Variants in PDXDC1 observed in about 807,000 individuals in gnomAD.
PDXDC1 encodes the protein pyridoxal dependent decarboxylase domain containing 1.
PDXDC1 carries 42 observed loss-of-function variants against 100.1 expected under a neutral mutation model. That is an observed-to-expected ratio of 0.42 (90% confidence interval 0.33 to 0.54). The LOEUF is 0.54. Among genes scored for constraint, PDXDC1 ranks in the 20% least tolerant of loss-of-function variants. PDXDC1 has a pLI of 0.10. For synonymous variants in PDXDC1, 260 were observed against 371.7 expected (o/e 0.70, Z 3.46); for missense variants, 636 against 979.2 (o/e 0.65, Z 4.68).
chr16:15,017,066 G>A, intron 9 of PDXDC1, 54 bp from the exon 10 acceptor site: 1 of 1,582,642 alleles, frequency 6.3e-7, no homozygotes, highest in East Asian at 2.3e-5. Flanking sequence ...TTAAGTACAT[G>A]GTGAGTAAGC....
At chr16:15,111,579 G>T (rs1020425647) in intron 16 of PDXDC1, among the ~76,000 whole-genome samples, 1 of 147,132 alleles carries the variant, frequency 6.8e-6, no homozygotes, top group East Asian at 2.0e-4. Context: ...GCAACATGGT[G>T]AAACCCCGTC....
intron 16 of PDXDC1, among the ~76,000 whole-genome samples, chr16:15,083,069 A>T (rs1006128903): frequency 6.6e-6 from 1 of 152,222 alleles, no homozygotes; most frequent in Non-Finnish European, 1.5e-5. Flanking sequence ...AAATTCTTAG[A>T]CGTCAGTTTA....
intron 16 of PDXDC1, among the ~76,000 whole-genome samples, chr16:15,124,812 A>C (rs2047615493): frequency 6.6e-6 from 1 of 151,462 alleles, no homozygotes; most frequent in Admixed American, 6.6e-5. Context: ...GGGTTAACAA[A>C]AGTATGGAAT....
At chr16:15,078,100 A>G (rs540541909) in intron 16 of PDXDC1, among the ~76,000 whole-genome samples, 4 of 152,288 alleles carry the variant, frequency 2.6e-5, no homozygotes, top group Admixed American at 2.6e-4. Context: ...TCTATGCTTG[A>G]CCTTCTTTGT....
chr16:14,977,343 G>A (rs1457277535), intron 1 of PDXDC1, among the ~76,000 whole-genome samples: 11 of 141,940 alleles, frequency 7.7e-5, no homozygotes, highest in African/African-American at 2.3e-4. Flanking sequence ...GCAGTGAGGC[G>A]ATCTCGGATC....
In PDXDC1 at chr16:15,134,136, T is replaced by C. The variant is rs2048239729; in HGVS notation, c.1400-4743T>C. 5 of 1,288,194 alleles carry C rather than the reference T, an allele frequency of 3.9e-6. No individual in the cohort carries two copies. The East Asian group carries it at 9.8e-5, about 25-fold the overall frequency. The allele number at this position is 1,288,194 out of a possible 1,614,324, so 79.8% of individuals were successfully genotyped here. ...CTGCCCTGTCAGCCCCACTTCTGCC[T>C]GCAGGCCCCGTCCCCTCGGCCATGG... On this transcript the variant is annotated intron_variant, in intron 16 of 16. Coordinates refer to the PDXDC1 transcript ENST00000535621.
At chr16:15,092,658 T>A (rs755134010) in intron 16 of PDXDC1, 22 of 1,201,300 alleles carry the variant, frequency 1.8e-5, no homozygotes, top group East Asian at 4.7e-5. Flanking sequence ...ATGAAAATAA[T>A]AAAAATTATA....
chr16:15,111,697 G>A (rs1451406266), intron 16 of PDXDC1, among the ~76,000 whole-genome samples: 1 of 129,116 alleles, frequency 7.7e-6, no homozygotes, highest in Non-Finnish European at 1.6e-5. Context: ...GGCAGAGGTT[G>A]CAGTGAGCCA....
intron 16 of PDXDC1, among the ~76,000 whole-genome samples, chr16:15,115,244 TTTTG>T (rs1219897794): frequency 2.3e-5 from 3 of 129,604 alleles, no homozygotes; most frequent in Admixed American, 8.0e-5. Context: ...TTTTTTTTCT[TTTTG>T]TTTGTTGTTT....
upstream of PDXDC1, chr16:14,974,852 T>C (rs1966534647): frequency 6.5e-7 from 1 of 1,535,640 alleles, no homozygotes; most frequent in South Asian, 1.2e-5. Context: ...TAGTACTTTG[T>C]GATTATTATA....
At chr16:15,083,066 T>C (rs1247066046) in intron 16 of PDXDC1, among the ~76,000 whole-genome samples, 5 of 152,208 alleles carry the variant, frequency 3.3e-5, no homozygotes, top group Non-Finnish European at 7.3e-5. Flanking sequence ...GTCAAATTCT[T>C]AGACGTCAGT....
chr16:15,149,351 G>A, the PDXDC1 span, among the ~76,000 whole-genome samples: 11 of 152,202 alleles, frequency 7.2e-5, no homozygotes, highest in African/African-American at 9.6e-5. Context: ...CGGAGCCCTC[G>A]AGGGTGGCCC....
rs755029644 is a variant in PDXDC1, at chr16:15,104,661, G to A, written c.1400-34218G>A. 166 of 1,597,630 alleles carry A rather than the reference G, an allele frequency of 1.0e-4. 1 individual carries two copies. Among genetic ancestry groups the A allele is most frequent in the Non-Finnish European group, 1.4e-4 (162 of 1,179,728 alleles). On this transcript the variant is annotated intron_variant, in intron 16 of 16. Transcript: ENST00000535621. The stretch of plus-strand genomic sequence containing the variant: ...AGAATGTTGTTGAGTTGGAGGAGGT[G>A]GCTGGTGGCCCATCCTGTTTTTTAA...
intron 16 of PDXDC1, chr16:15,137,320 G>A (rs1455677679): frequency 5.4e-6 from 7 of 1,303,508 alleles, no homozygotes; most frequent in Non-Finnish European, 7.5e-6. Context: ...GCGGCGGGGG[G>A]CCGGAGCAGA....
chr16:15,128,618 G>A (rs1298243406), intron 16 of PDXDC1, among the ~76,000 whole-genome samples: 9 of 152,046 alleles, frequency 5.9e-5, no homozygotes, highest in East Asian at 1.9e-4. Context: ...TGTAACTTGT[G>A]ACATGCAAAC....
chr16:15,073,639 C>T (rs534561783), intron 16 of PDXDC1, among the ~76,000 whole-genome samples: 16 of 152,270 alleles, frequency 1.1e-4, no homozygotes, highest in Non-Finnish European at 2.2e-4. Context: ...TTCTATCATT[C>T]GTGTAGCAAA....
At chr16:15,144,018 C>T (rs1253313948), downstream of PDXDC1, among the ~76,000 whole-genome samples, 2 of 152,310 alleles carry the variant, frequency 1.3e-5, no homozygotes, top group Non-Finnish European at 2.9e-5. Context: ...CTTATGTAAC[C>T]GCTCCTCCCT....
At chr16:15,128,656 ACAAC>A (rs1307484950) in intron 16 of PDXDC1, among the ~76,000 whole-genome samples, 3 of 151,978 alleles carry the variant, frequency 2.0e-5, no homozygotes, top group African/African-American at 4.8e-5. Flanking sequence ...AGTCCACACC[ACAAC>A]CAGTGACCCG....
intron 16 of PDXDC1, among the ~76,000 whole-genome samples, chr16:15,054,040 A>G (rs932963282): frequency 1.3e-5 from 2 of 152,150 alleles, no homozygotes; most frequent in Non-Finnish European, 2.9e-5. Flanking sequence ...CACCCCTGTA[A>G]GGTTACTTTC....
Sources: allele counts gnomAD v4.1 joint callset (sites outside exome capture counted in the v4.1 genomes callset), GRCh38; gene constraint gnomAD v4.1.1; transcripts MANE v1.5; gene names NCBI Gene and HGNC (gene_info 2026-07-23, HGNC 2026-07-21).